Variants in CPA5 observed in about 807,000 individuals in gnomAD.
The protein encoded by CPA5 is carboxypeptidase A5, also known as testicular tissue protein Li 32.
CPA5 carries 38 observed loss-of-function variants against 52.2 expected under a neutral mutation model. The observed-to-expected ratio is 0.73, with a 90% CI of 0.56 to 0.95. The LOEUF (loss-of-function observed/expected upper bound fraction) is 0.95, where lower values mean the gene tolerates loss of function less well. Ranked by LOEUF, CPA5 falls within the 40% of genes least tolerant of loss-of-function variation. CPA5 has a pLI of 0.00. For missense variants in CPA5, 519 were observed against 566.7 expected (o/e 0.92, Z 0.86); for synonymous variants, 198 against 213.7 (o/e 0.93, Z 0.64).
At chr7:130,350,239 C>A in intron 5 of CPA5, 130 bp downstream of exon 5, 1 of 1,007,252 alleles carries the variant, frequency 9.9e-7, no homozygotes, top group Non-Finnish European at 1.4e-6. Context: ...TGTTTGTGAA[C>A]ATGCTGTGGA....
In CPA5 at chr7:130,368,691, A is replaced by G. The variant is rs1796238007; in HGVS notation, c.*94A>G. 4 of 1,268,734 alleles carry G rather than the reference A, an allele frequency of 3.2e-6. No homozygotes were observed. Among genetic ancestry groups the G allele is most frequent in the Non-Finnish European group, 3.4e-6 (3 of 895,102 alleles). The allele number at this position is 1,268,734 out of a possible 1,614,324, so 78.6% of individuals were successfully genotyped here. On this transcript the variant is annotated 3_prime_UTR_variant, in exon 13 of 13. Coordinates refer to ENST00000474905, the MANE Select transcript of CPA5 (RefSeq NM_080385.5). ...TATGCATCCCCATCCCCATGCCCTC[A>G]TCCCGACCTCTTAGAAAATAAATAC...
At chr7:130,366,971 C>G (rs956988998) in intron 10 of CPA5, among the ~76,000 whole-genome samples, 8 of 152,214 alleles carry the variant, frequency 5.3e-5, no homozygotes, top group Admixed American at 3.3e-4. Context: ...TTAGAGGATG[C>G]AGCAGTAACA....
Position 130,362,993 on chromosome 7 carries a change from T to A in CPA5, c.746T>A (p.Met249Lys), listed in dbSNP as rs781836533. 1 of 1,585,162 alleles carries A rather than the reference T, an allele frequency of 6.3e-7. No individual in the cohort carries two copies. The highest frequency in any genetic ancestry group is 1.1e-5 in the South Asian group (1 of 90,450). Residue 249 changes from methionine to lysine, a missense_variant and splice_region_variant, in exon 9 of 13, where the codon ATG (methionine) becomes AAG (lysine). By Grantham distance (95) the Met-to-Lys change is moderately conservative. Coordinates refer to ENST00000474905, the MANE Select transcript of CPA5 (RefSeq NM_080385.5). ...NPDGFAFTHS[M>K]NRLWRKNKSI... ...GATGGGTTTGCTTTTACCCACAGCA[T>A]GGTGAGGGAACCTGGGAAGGATGGA...
chr7:130,362,900 GCA>G lies in CPA5; in HGVS notation c.654_655del (p.Lys219ArgfsTer22), dbSNP rs1267913972. ...TTCTTGCAGATTGTCAGTGATTATG[GCA>G]AAGACCGTGTCCTGACAGACATACT... On this transcript the variant is annotated frameshift_variant, in exon 9 of 13. Transcript: ENST00000474905. LOFTEE classifies it high-confidence loss of function. 3 of 1,612,156 alleles carry G rather than the reference GCA, an allele frequency of 1.9e-6. No individual in the cohort carries two copies. The African/African-American group carries it at 4.0e-5, about 22-fold the overall frequency.
Position 130,368,637 on chromosome 7 carries a change from A to G in CPA5, c.*40A>G. On this transcript the variant is annotated 3_prime_UTR_variant, in exon 13 of 13. Coordinates refer to ENST00000474905, the MANE Select transcript of CPA5 (RefSeq NM_080385.5). ...GCAGGAGGCTCCATCCTTCTCCCCA[A>G]GGTCTGTGGCTCCTCCCGAAACCCA... 6.2e-7 allele frequency: 1 copy of G among 1,607,120 alleles called. No homozygotes were observed. The highest frequency in any genetic ancestry group is 1.1e-5 in the South Asian group (1 of 90,610).
intron 5 of CPA5, among the ~76,000 whole-genome samples, chr7:130,353,370 T>C (rs1270573751): frequency 1.3e-5 from 2 of 152,174 alleles, no homozygotes; most frequent in African/African-American, 4.8e-5. Context: ...CACTCTCTCC[T>C]TCCTGGAGCC....
intron 3 of CPA5, 51 bp downstream of exon 3, chr7:130,346,652 T>C: frequency 6.8e-7 from 1 of 1,478,506 alleles, no homozygotes; most frequent in East Asian, 2.3e-5. Context: ...AGGAGGGGAC[T>C]GGGTGTCCCA....
rs782725623 is a variant in CPA5 at position 130,367,548 on chromosome 7, C to T, written c.1015C>T (p.Pro339Ser). 3.7e-6 allele frequency: 6 copies of T among 1,614,022 alleles called. No individual in the cohort carries two copies. Among genetic ancestry groups the T allele is most frequent in the Non-Finnish European group, 4.2e-6 (5 of 1,179,954 alleles). The part of the protein sequence containing the change: ...LMYPYGRLLE[P>S]VSNQRELYDL... ...GTACCCTTACGGCCGATTGCTGGAG[C>T]CCGTTTCAAATCAGAGGGAGTTGGT... The change falls in exon 11 of 13, where the codon CCC (proline) becomes TCC (serine). Residue 339 changes from proline (P) to serine (S), a missense_variant. By Grantham distance (74) the Pro-to-Ser change is moderately conservative. Transcript: ENST00000474905.
At position 130,359,699 on chromosome 7, in the gene CPA5, CG is replaced by C. The variant is rs1562956022; in HGVS notation, c.432+15del. On this transcript the variant is annotated intron_variant, in intron 6 of 12. Coordinates refer to ENST00000474905, the MANE Select transcript of CPA5 (RefSeq NM_080385.5). Reference sequence around the variant, plus strand: ...ACACCCTGGAGGAGGTAGGTCTGGCCGGGCAAGCTCTGGGCTCTCTTGTGTC... The same window carrying C: ...ACACCCTGGAGGAGGTAGGTCTGGCCGGCAAGCTCTGGGCTCTCTTGTGTC... 2 of 1,561,600 alleles carry C rather than the reference CG, an allele frequency of 1.3e-6. No individual in the cohort carries two copies.
downstream of CPA5, among the ~76,000 whole-genome samples, chr7:130,373,545 C>T (rs1477866457): frequency 6.6e-6 from 1 of 152,232 alleles, no homozygotes; most frequent in Non-Finnish European, 1.5e-5. Context: ...GGCCGGGAGG[C>T]CGTGGGGGCT....
downstream of CPA5, among the ~76,000 whole-genome samples, chr7:130,370,625 A>G (rs1455725979): frequency 1.3e-5 from 2 of 152,260 alleles, no homozygotes; most frequent in African/African-American, 4.8e-5. Flanking sequence ...ATACAAGGCC[A>G]CAATGGAGAG....
chr7:130,359,640 C>T lies in CPA5; in HGVS notation c.385C>T (p.Arg129Cys), dbSNP rs139498366. ...CATGGCGAAATCCCGCCGGCTGGAG[C>T]GCAGCACCAACAGCTTCAGTTACTC... The part of the protein sequence containing the change: ...QAMAKSRRLE[R>C]STNSFSYSSY... Residue 129 changes from arginine to cysteine, a missense_variant, in exon 6 of 13, where the codon CGC becomes TGC. Physicochemically the swap from Arg to Cys is radical, Grantham distance 180. Transcript: ENST00000474905. 4.1e-5 allele frequency: 65 copies of T among 1,584,700 alleles called. No individual in the cohort carries two copies. In the Middle Eastern group the frequency reaches 8.3e-4, roughly 20 times the overall value.
Position 130,359,700 on chromosome 7 carries a change from G to C in CPA5, c.432+13G>C. On this transcript the variant is annotated intron_variant, in intron 6 of 12. Transcript: ENST00000474905. Reference sequence around the variant, plus strand: ...CACCCTGGAGGAGGTAGGTCTGGCCGGGCAAGCTCTGGGCTCTCTTGTGTC... The same window carrying C: ...CACCCTGGAGGAGGTAGGTCTGGCCCGGCAAGCTCTGGGCTCTCTTGTGTC... 1.3e-6 allele frequency: 2 copies of C among 1,560,900 alleles called. No individual in the cohort carries two copies. Among genetic ancestry groups the C allele is most frequent in the South Asian group, 1.2e-5 (1 of 85,034 alleles).
intron 6 of CPA5, among the ~76,000 whole-genome samples, chr7:130,360,409 T>C (rs549502463): frequency 3.3e-5 from 5 of 152,320 alleles, no homozygotes; most frequent in African/African-American, 1.2e-4. Context: ...TGACCACAGT[T>C]AGAGCCAGCC....
At chr7:130,366,480 G>A (rs190697059) in intron 10 of CPA5, among the ~76,000 whole-genome samples, 24 of 152,294 alleles carry the variant, frequency 1.6e-4, no homozygotes, top group South Asian at 8.3e-4. Flanking sequence ...GAGATGGGGC[G>A]AAGGCAAAGA....
chr7:130,373,604 C>T (rs377729258), downstream of CPA5, among the ~76,000 whole-genome samples: 2 of 152,238 alleles, frequency 1.3e-5, no homozygotes, highest in Non-Finnish European at 2.9e-5. Flanking sequence ...CTTCACACCC[C>T]GATCCTCCTC....
chr7:130,357,904 A>G (rs1309412118), intron 5 of CPA5, among the ~76,000 whole-genome samples: 1 of 151,972 alleles, frequency 6.6e-6, no homozygotes, highest in Non-Finnish European at 1.5e-5. Context: ...ACACATATGC[A>G]TACACACAGA....
At position 130,362,494 on chromosome 7, in the gene CPA5, C is replaced by G. The variant is rs1554406982; in HGVS notation, c.591C>G (p.Ser197=). 3.7e-6 allele frequency: 6 copies of G among 1,613,638 alleles called. No homozygotes were observed. In the African/African-American group the frequency reaches 6.7e-5, roughly 18 times the overall value. ...TCTGGATTGACACTGGAATTCACTC[C>G]CGGGAGTGGATCACCCATGCCACCG... ...PAIWIDTGIH[S]REWITHATGI... The change falls in exon 8 of 13, where the codon TCC becomes TCG. Residue 197 remains serine, a synonymous_variant. Coordinates refer to ENST00000474905, the MANE Select transcript of CPA5 (RefSeq NM_080385.5).
At chr7:130,371,111 C>T (rs1380104321), downstream of CPA5, among the ~76,000 whole-genome samples, 1 of 152,228 alleles carries the variant, frequency 6.6e-6, no homozygotes, top group Admixed American at 6.5e-5. Flanking sequence ...ATCCAAGTCT[C>T]TAGTGGGTGG....
Sources: allele counts gnomAD v4.1 joint callset (sites outside exome capture counted in the v4.1 genomes callset), GRCh38; gene constraint gnomAD v4.1.1; transcripts MANE v1.5; gene names NCBI Gene and HGNC (gene_info 2026-07-23, HGNC 2026-07-21).